KHDRBS2: variants seen among roughly 807,000 people sequenced by gnomAD.
KHDRBS2 encodes the protein KH RNA binding domain containing, signal transduction associated 2.
A neutral mutation model predicts 44.3 loss-of-function variants in KHDRBS2; 26 were observed. The ratio of observed to expected loss-of-function variants is 0.59; its 90% CI spans 0.43 to 0.81. KHDRBS2 has a LOEUF of 0.81. Among genes scored for constraint, KHDRBS2 ranks in the 40% least tolerant of loss-of-function variants. The pLI, the probability that KHDRBS2 is intolerant of heterozygous loss-of-function variation, is 0.00. For missense variants in KHDRBS2, 476 were observed against 433.1 expected (o/e 1.10, Z -0.88); for synonymous variants, 194 against 151.1 (o/e 1.28, Z -2.08).
chr6:61,989,673 G>C (rs946935045), intron 3 of KHDRBS2, among the ~76,000 whole-genome samples: 13 of 152,144 alleles, frequency 8.5e-5, no homozygotes, highest in Admixed American at 2.6e-4. Context: ...ACTTTCTCTG[G>C]AAAGAGGAGA....
chr6:62,194,923 G>C (rs1434225733), intron 1 of KHDRBS2, among the ~76,000 whole-genome samples: 1 of 151,866 alleles, frequency 6.6e-6, no homozygotes, highest in Non-Finnish European at 1.5e-5. Flanking sequence ...TAGGTCCCTT[G>C]GATTTCCATA....
intron 8 of KHDRBS2, among the ~76,000 whole-genome samples, chr6:61,681,587 G>T (rs1358400418): frequency 4.6e-5 from 7 of 151,620 alleles, no homozygotes; most frequent in African/African-American, 1.7e-4. Context: ...GAAAGTGAGA[G>T]ACAAGCAGAA....
intron 2 of KHDRBS2, among the ~76,000 whole-genome samples, chr6:62,111,548 T>C (rs994205479): frequency 3.3e-5 from 5 of 152,082 alleles, no homozygotes; most frequent in Non-Finnish European, 5.9e-5. Flanking sequence ...TTAGATGATT[T>C]ATTAAAGTGA....
chr6:61,770,606 T>A (rs1446864900), intron 6 of KHDRBS2, among the ~76,000 whole-genome samples: 1 of 151,978 alleles, frequency 6.6e-6, no homozygotes, highest in African/African-American at 2.4e-5. Flanking sequence ...ACGAAATGAA[T>A]GAAATGAAGT....
chr6:61,643,045 T>G, the KHDRBS2 span, among the ~76,000 whole-genome samples: 1 of 152,210 alleles, frequency 6.6e-6, no homozygotes, highest in Non-Finnish European at 1.5e-5. Context: ...AGCTTGAGTG[T>G]GTAAATACTG....
intron 1 of KHDRBS2, among the ~76,000 whole-genome samples, chr6:62,254,126 T>A (rs766919698): frequency 1.3e-5 from 2 of 152,042 alleles, no homozygotes; most frequent in African/African-American, 4.8e-5. Context: ...AACAATTACA[T>A]GATAACATTT....
the KHDRBS2 span, among the ~76,000 whole-genome samples, chr6:61,652,529 C>T: frequency 1.3e-5 from 2 of 151,888 alleles, no homozygotes; most frequent in African/African-American, 4.8e-5. Flanking sequence ...CAAATTATCA[C>T]AAGTGCTATG....
At chr6:61,974,748 TG>T (rs1230528973) in intron 4 of KHDRBS2, among the ~76,000 whole-genome samples, 1 of 151,682 alleles carries the variant, frequency 6.6e-6, no homozygotes, top group Non-Finnish European at 1.5e-5. Flanking sequence ...CTGACCAATG[TG>T]GTGAAACCTC....
At chr6:61,944,062 T>G (rs1423612128) in intron 4 of KHDRBS2, among the ~76,000 whole-genome samples, 1 of 152,162 alleles carries the variant, frequency 6.6e-6, no homozygotes, top group African/African-American at 2.4e-5. Flanking sequence ...TATACACTAC[T>G]GGTAGGAATG....
intron 1 of KHDRBS2, among the ~76,000 whole-genome samples, chr6:62,281,454 T>A (rs1451863860): frequency 6.6e-6 from 1 of 151,936 alleles, no homozygotes; most frequent in Non-Finnish European, 1.5e-5. Context: ...ATCCAGTCTC[T>A]ACTAAAAATA....
rs190484803 is a variant in KHDRBS2 at position 62,179,870 on chromosome 6, T to A, written c.92-2558A>T. On this transcript the variant is annotated intron_variant, in intron 1 of 8. Transcript: ENST00000281156. ...TTTCTTCTGAAGTTTTTTGGTATTA[T>A]TTTGCCCTCCTAATACTTTCAGGGA... 9.5e-4 allele frequency among the ~76,000 whole-genome samples: 145 copies of A among 151,936 alleles called. 3 individuals are homozygous for A. Among genetic ancestry groups the A allele is most frequent in the Admixed American group, 8.0e-3 (121 of 15,190 alleles).
At chr6:61,669,047 C>G in the KHDRBS2 span, among the ~76,000 whole-genome samples, 1 of 150,692 alleles carries the variant, frequency 6.6e-6, no homozygotes, top group African/African-American at 2.4e-5. Context: ...TCCACAAAGC[C>G]TAAATTCTAT....
intron 2 of KHDRBS2, among the ~76,000 whole-genome samples, chr6:62,158,769 CTCTT>C (rs1265781347): frequency 6.6e-6 from 1 of 152,110 alleles, no homozygotes; most frequent in African/African-American, 2.4e-5. Context: ...ACAATACCTT[CTCTT>C]TCTTTGCTCC....
the KHDRBS2 span, among the ~76,000 whole-genome samples, chr6:61,564,787 C>G: frequency 8.6e-5 from 13 of 151,962 alleles, no homozygotes; most frequent in Admixed American, 2.6e-4. Context: ...AGGCTTGTCT[C>G]TCATAAATAT....
chr6:61,553,526 T>C, the KHDRBS2 span, among the ~76,000 whole-genome samples: 1 of 152,156 alleles, frequency 6.6e-6, no homozygotes, highest in Non-Finnish European at 1.5e-5. Flanking sequence ...TGATTTTGGT[T>C]ATTTCTTGTC....
At chr6:62,122,119 A>G (rs209001) in intron 2 of KHDRBS2, among the ~76,000 whole-genome samples, 123,146 of 152,078 alleles carry the variant, frequency 0.81, 50,568 homozygotes, top group African/African-American at 0.95. Flanking sequence ...ACAGGTCTAG[A>G]CTGCTGTGCA....
At chr6:62,171,285 TACAATC>T (rs1819947810) in intron 2 of KHDRBS2, among the ~76,000 whole-genome samples, 1 of 151,740 alleles carries the variant, frequency 6.6e-6, no homozygotes, top group Non-Finnish European at 1.5e-5. Context: ...AATTTAATAA[TACAATC>T]ACAAGTATTA....
In KHDRBS2 at chr6:62,047,976, A is replaced by G; in HGVS notation, c.238T>C (p.Leu80=). 6.2e-7 allele frequency: 1 copy of G among 1,601,112 alleles called. No individual in the cohort carries two copies. Among genetic ancestry groups the G allele is most frequent in the South Asian group, 1.1e-5 (1 of 90,786 alleles). The change falls in exon 3 of 9, where the codon TTG becomes CTG. Residue 80 remains leucine, a synonymous_variant. Coordinates refer to ENST00000281156, the MANE Select transcript of KHDRBS2 (RefSeq NM_152688.4). ...AAGGAGTTTCCTCTTGGTCCAAGCA[A>G]TTTCCCCACAAAATTGAACTAGGAA... ...QYPKFNFVGK[L]LGPRGNSLKR...
At chr6:62,103,803 G>T (rs990577776) in intron 2 of KHDRBS2, among the ~76,000 whole-genome samples, 3 of 152,144 alleles carry the variant, frequency 2.0e-5, no homozygotes, top group Non-Finnish European at 4.4e-5. Context: ...CAGAAACAAT[G>T]AAACAAGACT....
Sources: allele counts gnomAD v4.1 joint callset (sites outside exome capture counted in the v4.1 genomes callset), GRCh38; gene constraint gnomAD v4.1.1; transcripts MANE v1.5; gene names NCBI Gene and HGNC (gene_info 2026-07-23, HGNC 2026-07-21).